The following PABPC4L variants were observed in gnomAD, a reference collection of about 807,000 sequenced individuals.
The protein encoded by PABPC4L is poly(A) binding protein cytoplasmic 4 like, also known as polyadenylate-binding protein 4-like.
For synonymous variants in PABPC4L, 169 were observed against 164.1 expected, an observed-to-expected ratio of 1.03 and a Z score of -0.23; for missense variants, 452 against 451.4, an observed-to-expected ratio of 1.00 and a Z score of -0.01.
chr4:133,971,303 G>A, the PABPC4L span, among the ~76,000 whole-genome samples: 1 of 151,708 alleles, frequency 6.6e-6, no homozygotes, highest in African/African-American at 2.4e-5. Context: ...AGTAGAGACG[G>A]GGTTTCACCA....
At chr4:133,967,243 A>C in the PABPC4L span, among the ~76,000 whole-genome samples, 1 of 152,100 alleles carries the variant, frequency 6.6e-6, no homozygotes, top group Non-Finnish European at 1.5e-5. Context: ...GGCCCAGACA[A>C]GACGATTTCT....
the PABPC4L span, among the ~76,000 whole-genome samples, chr4:134,098,421 A>G: frequency 2.6e-5 from 4 of 151,510 alleles, no homozygotes; most frequent in African/African-American, 9.7e-5. Context: ...TTGTTTTTTT[A>G]TTTTTTATTT....
chr4:134,144,811 T>C, the PABPC4L span, among the ~76,000 whole-genome samples: 1 of 151,714 alleles, frequency 6.6e-6, no homozygotes, highest in Non-Finnish European at 1.5e-5. Context: ...TAATCTAAAA[T>C]GCATTTTTTA....
chr4:134,120,493 TC>T, the PABPC4L span, among the ~76,000 whole-genome samples: 1 of 150,634 alleles, frequency 6.6e-6, no homozygotes, highest in African/African-American at 2.4e-5. Flanking sequence ...TGTATGTCCT[TC>T]CAAGATCCCC....
the PABPC4L span, among the ~76,000 whole-genome samples, chr4:134,010,003 A>T: frequency 6.6e-6 from 1 of 152,028 alleles, no homozygotes. Flanking sequence ...ATGACGGTAT[A>T]AAGACAGTTC....
chr4:133,954,276 C>T, the PABPC4L span, among the ~76,000 whole-genome samples: 1 of 152,112 alleles, frequency 6.6e-6, no homozygotes, highest in Non-Finnish European at 1.5e-5. Context: ...AATGGGTGAG[C>T]GCTCTTTACT....
Position 134,200,215 on chromosome 4 carries a change from C to G in PABPC4L, c.805G>C (p.Val269Leu). The G allele has an allele frequency of 6.4e-7, 1 of 1,551,792 alleles. No homozygotes were observed. The part of the protein sequence containing the change: ...LIFVGRAQKK[V>L]ERQAELKQMF... ...TGCTTTAACTCAGCCTGTCGCTCGA[C>G]TTTCTTTTGAGCCCGGCCTACAAAA... Residue 269 changes from valine (V) to leucine (L), a missense_variant, in exon 2 of 2, where the codon GTC (valine) becomes CTC (leucine). Val to Leu is a conservative substitution (Grantham distance 32, BLOSUM62 1). Transcript: ENST00000421491.
chr4:134,044,754 T>C, the PABPC4L span, among the ~76,000 whole-genome samples: 4 of 152,218 alleles, frequency 2.6e-5, no homozygotes, highest in African/African-American at 7.2e-5. Flanking sequence ...TTTCAACATA[T>C]GTTAATATTG....
the PABPC4L span, among the ~76,000 whole-genome samples, chr4:134,094,589 T>A: frequency 6.6e-6 from 1 of 152,030 alleles, no homozygotes; most frequent in African/African-American, 2.4e-5. Context: ...TTTCTTAACA[T>A]AAGGATTAAA....
In PABPC4L at chr4:134,200,812, T is replaced by C. The variant is rs370929196; in HGVS notation, c.208A>G (p.Thr70Ala). The C allele has an allele frequency of 9.0e-6, 14 of 1,552,602 alleles. No individual in the cohort carries two copies. Among genetic ancestry groups the C allele is most frequent in the Non-Finnish European group, 1.1e-5 (13 of 1,147,548 alleles). The change falls in exon 2 of 2, where the codon ACA becomes GCA. Residue 70 changes from threonine to alanine, a missense_variant. Physicochemically the swap from Thr to Ala is moderately conservative, Grantham distance 58. Transcript: ENST00000421491. ...QLADAQKALDTMNFDIIKGKS... is the reference protein window; with the variant it reads ...QLADAQKALDAMNFDIIKGKS... Reference sequence around the variant, plus strand: ...CCTTTTATGATGTCAAAGTTCATTGTGTCCAGCGCCTTCTGGGCATCAGCC... The same window carrying C: ...CCTTTTATGATGTCAAAGTTCATTGCGTCCAGCGCCTTCTGGGCATCAGCC...
the PABPC4L span, among the ~76,000 whole-genome samples, chr4:134,058,304 G>T: frequency 6.6e-6 from 1 of 151,886 alleles, no homozygotes; most frequent in East Asian, 1.9e-4. Flanking sequence ...TCTAAAAATA[G>T]GCAAGCCCAT....
the PABPC4L span, among the ~76,000 whole-genome samples, chr4:133,957,229 A>T: frequency 6.6e-6 from 1 of 152,202 alleles, no homozygotes; most frequent in African/African-American, 2.4e-5. Context: ...CAGTAGAGGC[A>T]GTGGGTAAAT....
chr4:134,019,470 A>G, the PABPC4L span, among the ~76,000 whole-genome samples: 4 of 152,206 alleles, frequency 2.6e-5, no homozygotes, highest in African/African-American at 9.6e-5. Flanking sequence ...GTTGGCTGCA[A>G]TGAAATACTT....
the PABPC4L span, among the ~76,000 whole-genome samples, chr4:134,034,637 T>C: frequency 7.7e-4 from 117 of 152,062 alleles, 3 homozygotes; most frequent in Admixed American, 7.6e-3. Context: ...TTTGAGGAAT[T>C]CAAGACCAGT....
the PABPC4L span, among the ~76,000 whole-genome samples, chr4:133,969,194 T>C: frequency 2.0e-5 from 3 of 152,242 alleles, no homozygotes; most frequent in Admixed American, 6.5e-5. Flanking sequence ...GCTTTGTGCA[T>C]GTTTCTCTAT....
At chr4:134,165,721 G>C in the PABPC4L span, among the ~76,000 whole-genome samples, 1 of 152,144 alleles carries the variant, frequency 6.6e-6, no homozygotes, top group Non-Finnish European at 1.5e-5. Flanking sequence ...ATGGAAAGCA[G>C]TTTGGAGGTT....
At chr4:134,195,889 T>C (rs1202484587), downstream of PABPC4L, among the ~76,000 whole-genome samples, 1 of 151,710 alleles carries the variant, frequency 6.6e-6, no homozygotes, top group South Asian at 2.1e-4. Context: ...ACTTGGGAGA[T>C]ACATATATGT....
chr4:134,037,075 G>T, the PABPC4L span, among the ~76,000 whole-genome samples: 1 of 150,438 alleles, frequency 6.6e-6, no homozygotes, highest in Non-Finnish European at 1.5e-5. Context: ...AAAAAAATGG[G>T]TAATATGATA....
chr4:133,954,030 C>G, the PABPC4L span, among the ~76,000 whole-genome samples: 1 of 152,232 alleles, frequency 6.6e-6, no homozygotes, highest in African/African-American at 2.4e-5. Context: ...TGAGAGGGAA[C>G]CTGTTAGACA....
Sources: allele counts gnomAD v4.1 joint callset (sites outside exome capture counted in the v4.1 genomes callset), GRCh38; gene constraint gnomAD v4.1.1; transcripts MANE v1.5; gene names NCBI Gene and HGNC (gene_info 2026-07-23, HGNC 2026-07-21).